The following HPSE2 variants were observed in gnomAD, a reference collection of about 807,000 sequenced individuals.
HPSE2 encodes inactive heparanase-2.
In HPSE2, 38 loss-of-function variants were observed where a neutral mutation model predicts 60.5. That is an observed-to-expected ratio of 0.63 (90% CI 0.48 to 0.82). The LOEUF (loss-of-function observed/expected upper bound fraction) is 0.82, where lower values mean the gene tolerates loss of function less well. HPSE2 is among the 40% of genes least tolerant of loss of function. The probability of loss-of-function intolerance (pLI) is 0.00; values close to 1 mark genes in which losing one functional copy is unlikely to be tolerated. For missense variants in HPSE2, 713 were observed against 740.4 expected, an observed-to-expected ratio of 0.96 and a Z score of 0.43; for synonymous variants, 295 against 293.2, an observed-to-expected ratio of 1.01 and a Z score of -0.06.
chr10:99,135,619 G>A (rs939269366), intron 3 of HPSE2, among the ~76,000 whole-genome samples: 6 of 152,110 alleles, frequency 3.9e-5, no homozygotes, highest in African/African-American at 1.2e-4. Flanking sequence ...ATAACTAAAT[G>A]AAGGCAGAAG....
In HPSE2 at chr10:98,818,861, C is replaced by T. The variant is rs577956009; in HGVS notation, c.611-74805G>A. On this transcript the variant is annotated intron_variant, in intron 3 of 11. Coordinates refer to ENST00000370552, the MANE Select transcript of HPSE2 (RefSeq NM_021828.5). ...ATGATCTTACAATTCTAAATAGGTT[C>T]ACCTTGAATGGGAAACAATGCAATG... Among the ~76,000 whole-genome samples the T allele has an allele frequency of 3.3e-5, 5 of 152,260 alleles. No homozygotes were observed. In the East Asian group the frequency reaches 9.7e-4, roughly 29 times the overall value.
chr10:98,982,591 G>A (rs1238485004), intron 3 of HPSE2, among the ~76,000 whole-genome samples: 1 of 152,004 alleles, frequency 6.6e-6, no homozygotes, highest in Non-Finnish European at 1.5e-5. Flanking sequence ...GCTTTCTAAT[G>A]GCAAAGTTGC....
intron 3 of HPSE2, among the ~76,000 whole-genome samples, chr10:98,938,726 T>C (rs1461024692): frequency 2.1e-5 from 3 of 142,914 alleles, no homozygotes; most frequent in Admixed American, 7.0e-5. Flanking sequence ...ACTCAGGAAA[T>C]ACAGAGAACG....
At chr10:98,706,280 C>A (rs1347169473) in intron 5 of HPSE2, among the ~76,000 whole-genome samples, 1 of 152,128 alleles carries the variant, frequency 6.6e-6, no homozygotes, top group East Asian at 1.9e-4. Context: ...TGAATTTTTG[C>A]TTGGAGAAAA....
rs1236547667 is a variant in HPSE2, at chr10:99,048,003, T to C, written c.610+96235A>G. The C allele has an allele frequency of 1.7e-5, 12 of 697,356 alleles. No individual in the cohort carries two copies. The East Asian group carries it at 2.6e-4, about 15-fold the overall frequency. The allele number at this position is 697,356 out of a possible 1,614,324, so 43.2% of individuals were successfully genotyped here. On this transcript the variant is annotated intron_variant, in intron 3 of 11. Transcript: ENST00000370552. Reference sequence around the variant, plus strand: ...CTTCATCAAGTCTTCAATGAAACCTTTGCGAAGCTCAACAAGGCTGCAATT... The same window carrying C: ...CTTCATCAAGTCTTCAATGAAACCTCTGCGAAGCTCAACAAGGCTGCAATT...
intron 3 of HPSE2, among the ~76,000 whole-genome samples, chr10:98,745,628 T>C (rs1482018229): frequency 6.6e-6 from 1 of 152,222 alleles, no homozygotes; most frequent in African/African-American, 2.4e-5. Context: ...CTCTCCTTAT[T>C]TGTCATGCCC....
At chr10:99,125,795 G>T (rs1026680528) in intron 3 of HPSE2, among the ~76,000 whole-genome samples, 2 of 152,150 alleles carry the variant, frequency 1.3e-5, no homozygotes, top group African/African-American at 2.4e-5. Context: ...ACCAACAGTG[G>T]GAAGAGCCTT....
At chr10:98,838,482 G>T (rs1215141928) in intron 3 of HPSE2, among the ~76,000 whole-genome samples, 6 of 148,524 alleles carry the variant, frequency 4.0e-5, no homozygotes, top group Non-Finnish European at 7.4e-5. Context: ...TTTAGATGGG[G>T]TCTCATCATA....
intron 3 of HPSE2, among the ~76,000 whole-genome samples, chr10:98,976,861 A>G (rs1434828958): frequency 6.6e-6 from 1 of 152,202 alleles, no homozygotes; most frequent in Non-Finnish European, 1.5e-5. Context: ...ATCCTGGACA[A>G]TATGAGCAGG....
intron 7 of HPSE2, among the ~76,000 whole-genome samples, chr10:98,633,949 T>G (rs192390325): frequency 6.6e-6 from 1 of 152,324 alleles, no homozygotes; most frequent in East Asian, 1.9e-4. Context: ...GATTGTTCAC[T>G]CAAATGAAAT....
At chr10:99,107,199 A>T (rs1015883268) in intron 3 of HPSE2, among the ~76,000 whole-genome samples, 1 of 152,064 alleles carries the variant, frequency 6.6e-6, no homozygotes, top group African/African-American at 2.4e-5. Context: ...AGAATTTACT[A>T]CTTTTCACTA....
At chr10:98,848,079 A>C (rs757107996) in intron 3 of HPSE2, among the ~76,000 whole-genome samples, 60 of 152,374 alleles carry the variant, frequency 3.9e-4, no homozygotes, top group Middle Eastern at 3.4e-3. Flanking sequence ...TTCACAGCCA[A>C]GGGAGTTAAT....
chr10:99,252,362 GA>G, the HPSE2 span, among the ~76,000 whole-genome samples: 11 of 151,318 alleles, frequency 7.3e-5, no homozygotes, highest in African/African-American at 2.7e-4. Context: ...CCAAATAGGG[GA>G]AAAAAAAGAA....
At chr10:99,092,317 T>A (rs1346151388) in intron 3 of HPSE2, among the ~76,000 whole-genome samples, 2 of 151,938 alleles carry the variant, frequency 1.3e-5, no homozygotes, top group Non-Finnish European at 2.9e-5. Flanking sequence ...ATAATAAGAG[T>A]TTACTATGTG....
the HPSE2 span, among the ~76,000 whole-genome samples, chr10:99,280,450 G>T: frequency 6.6e-6 from 1 of 152,108 alleles, no homozygotes; most frequent in Non-Finnish European, 1.5e-5. Flanking sequence ...AACAAAATGG[G>T]CATTTTAGAT....
chr10:98,597,502 T>TAA (rs371169905), intron 9 of HPSE2, among the ~76,000 whole-genome samples: 77 of 138,628 alleles, frequency 5.6e-4, no homozygotes, highest in East Asian at 2.7e-3. Flanking sequence ...CTGTTTCTAC[T>TAA]AAAAAAAAAA....
intron 2 of HPSE2, among the ~76,000 whole-genome samples, chr10:99,180,854 C>T (rs1269388709): frequency 7.7e-6 from 1 of 129,276 alleles, no homozygotes; most frequent in Non-Finnish European, 1.6e-5. Context: ...TGAGCCACTG[C>T]ACTCCAGCCT....
At chr10:98,909,676 A>G (rs954230280) in intron 3 of HPSE2, among the ~76,000 whole-genome samples, 4 of 151,920 alleles carry the variant, frequency 2.6e-5, no homozygotes, top group Non-Finnish European at 5.9e-5. Flanking sequence ...GTTTTTTTTA[A>G]TGCATGACTT....
intron 3 of HPSE2, among the ~76,000 whole-genome samples, chr10:98,948,475 AC>A (rs1003909182): frequency 6.6e-6 from 1 of 152,162 alleles, no homozygotes; most frequent in Non-Finnish European, 1.5e-5. Flanking sequence ...AAACGAATTG[AC>A]ATTAGACAAT....
Sources: gnomAD v4.1 joint callset for allele counts (sites outside exome capture counted in the v4.1 genomes callset) on GRCh38, gnomAD v4.1.1 for gene constraint, MANE v1.5 for transcripts, NCBI Gene and HGNC (gene_info 2026-07-23, HGNC 2026-07-21) for gene names.